IRAK1BP1: variants seen among roughly 807,000 people sequenced by gnomAD.
IRAK1BP1 encodes interleukin-1 receptor-associated kinase 1-binding protein 1.
In IRAK1BP1, 24 loss-of-function variants were observed where a neutral mutation model predicts 28.0. That is an observed-to-expected ratio of 0.86 (90% CI 0.62 to 1.20). The LOEUF (loss-of-function observed/expected upper bound fraction) is 1.20. IRAK1BP1 is among the 50% of genes most tolerant of loss of function. IRAK1BP1 has a pLI of 0.00. For missense variants in IRAK1BP1, 336 were observed against 316.7 expected, an observed-to-expected ratio of 1.06 and a Z score of -0.46; for synonymous variants, 131 against 116.3, an observed-to-expected ratio of 1.13 and a Z score of -0.81.
chr6:78,878,671 G>A (rs980039529), intron 1 of IRAK1BP1, among the ~76,000 whole-genome samples: 6 of 152,216 alleles, frequency 3.9e-5, no homozygotes, highest in African/African-American at 9.7e-5. Context: ...AGAGAAGAAG[G>A]CTTCAGACGA....
At chr6:78,894,693 A>G (rs1771815748) in intron 2 of IRAK1BP1, among the ~76,000 whole-genome samples, 1 of 152,228 alleles carries the variant, frequency 6.6e-6, no homozygotes, top group African/African-American at 2.4e-5. Context: ...AACAGATTTG[A>G]ATCACACTGT....
rs528665459 is a variant in IRAK1BP1 at position 78,898,388 on chromosome 6, T to C, written c.*54T>C. ...ATCTTTTTACCTATTTTTATACTTTTTATAATGTTTACGTTTGTCCTGAAT... is the reference window on the plus strand; with the variant it reads ...ATCTTTTTACCTATTTTTATACTTTCTATAATGTTTACGTTTGTCCTGAAT... On this transcript the variant is annotated 3_prime_UTR_variant, in exon 4 of 4. Transcript: ENST00000369940. 8.0e-5 allele frequency: 62 copies of C among 773,154 alleles called. 1 individual carries two copies. The African/African-American group carries it at 9.9e-4, about 12-fold the overall frequency. 47.9% of individuals were successfully genotyped at this position (773,154 alleles called of 1,614,324 possible). A position where few individuals can be genotyped will look rare whatever the true frequency, so the allele number is the denominator to read the frequency against.
the IRAK1BP1 span, among the ~76,000 whole-genome samples, chr6:78,952,642 G>C: frequency 4.6e-5 from 7 of 151,974 alleles, no homozygotes; most frequent in East Asian, 1.9e-4. Flanking sequence ...AATTTGCTTA[G>C]ATCTTTACAC....
rs149308295 is a variant in IRAK1BP1 at position 78,912,753 on chromosome 6, C to T, written c.*67+9643C>T. ...GAATGAATTTTACCTTATGTAAAAA[C>T]GTGAATAAATCTTTGAAATATTACA... On this transcript the variant is annotated intron_variant and NMD_transcript_variant, in intron 4 of 4. Coordinates refer to the IRAK1BP1 transcript ENST00000606868. 7.2e-3 allele frequency among the ~76,000 whole-genome samples: 1,091 copies of T among 152,072 alleles called. 16 individuals are homozygous for T. Among genetic ancestry groups the T allele is most frequent in the African/African-American group, 0.025 (1,023 of 41,464 alleles).
the IRAK1BP1 span, chr6:78,970,797 T>C: frequency 6.2e-7 from 1 of 1,606,344 alleles, no homozygotes; most frequent in Non-Finnish European, 8.5e-7. Flanking sequence ...CTCCATTTTA[T>C]GCCATGGTTG....
the IRAK1BP1 span, among the ~76,000 whole-genome samples, chr6:78,975,488 A>G: frequency 6.6e-6 from 1 of 151,962 alleles, no homozygotes; most frequent in Admixed American, 6.6e-5. Flanking sequence ...CTCTCTCACC[A>G]CTCCTATTCA....
At chr6:78,869,362 A>G (rs1282913276) in intron 1 of IRAK1BP1, among the ~76,000 whole-genome samples, 1 of 152,146 alleles carries the variant, frequency 6.6e-6, no homozygotes, top group Non-Finnish European at 1.5e-5. Flanking sequence ...TCTAGTAAAA[A>G]TACAAAAATT....
At chr6:78,978,046 C>T in the IRAK1BP1 span, among the ~76,000 whole-genome samples, 7 of 152,014 alleles carry the variant, frequency 4.6e-5, no homozygotes, top group African/African-American at 1.7e-4. Flanking sequence ...ATGTTGAGAC[C>T]AGTTCTTACA....
intron 4 of IRAK1BP1, among the ~76,000 whole-genome samples, chr6:78,923,268 C>T (rs1772792661): frequency 6.6e-6 from 1 of 151,804 alleles, no homozygotes; most frequent in Non-Finnish European, 1.5e-5. Flanking sequence ...GCAGGGGTTT[C>T]AATCCTAGAT....
Position 78,867,806 on chromosome 6 carries a change from C to G in IRAK1BP1, c.230C>G (p.Thr77Ser), listed in dbSNP as rs1169521385. 1.9e-6 allele frequency: 3 copies of G among 1,613,328 alleles called. No individual in the cohort carries two copies. Among genetic ancestry groups the G allele is most frequent in the South Asian group, 2.2e-5 (2 of 91,018 alleles). The change falls in exon 1 of 4, where the codon ACC becomes AGC. Residue 77 changes from threonine to serine, a missense_variant. Physicochemically the swap from Thr to Ser is moderately conservative, Grantham distance 58. Transcript: ENST00000369940. ...RAQVVVRVSS[T>S]KEAAAEAKKS... ...CAGGTGGTGGTGCGAGTGAGCAGCA[C>G]CAAGGAGGCGGCAGCCGAGGCCAAA...
chr6:78,902,098 A>G lies in IRAK1BP1; in HGVS notation c.*3764A>G, dbSNP rs1194314502. On this transcript the variant is annotated 3_prime_UTR_variant, in exon 4 of 4. Coordinates refer to ENST00000369940, the MANE Select transcript of IRAK1BP1 (RefSeq NM_001010844.4). Reference sequence around the variant, plus strand: ...TATAAATTAGTTTAAGCTAACATTTAGACATTTACTATTACATATATGGTA... The same window carrying G: ...TATAAATTAGTTTAAGCTAACATTTGGACATTTACTATTACATATATGGTA... 2 of 152,240 alleles carry G rather than the reference A, an allele frequency of 1.3e-5. No individual in the cohort carries two copies. The highest frequency in any genetic ancestry group is 6.5e-5 in the Admixed American group (1 of 15,288). The allele number at this position is 152,240 out of a possible 1,614,324, so 9.4% of individuals were successfully genotyped here. A position where few individuals can be genotyped will look rare whatever the true frequency, so the allele number is the denominator to read the frequency against.
chr6:78,873,769 C>A (rs1049182693), intron 1 of IRAK1BP1, among the ~76,000 whole-genome samples: 4 of 152,168 alleles, frequency 2.6e-5, no homozygotes, highest in Non-Finnish European at 5.9e-5. Context: ...CCACACCTAG[C>A]CTTATAGAAC....
intron 4 of IRAK1BP1, among the ~76,000 whole-genome samples, chr6:78,922,388 G>T (rs1202987848): frequency 3.3e-5 from 5 of 152,164 alleles, no homozygotes; most frequent in African/African-American, 9.7e-5. Flanking sequence ...AGAGTAAAAA[G>T]AAATGAACAA....
the IRAK1BP1 span, among the ~76,000 whole-genome samples, chr6:78,969,042 T>A: frequency 6.6e-6 from 1 of 152,202 alleles, no homozygotes; most frequent in Non-Finnish European, 1.5e-5. Flanking sequence ...CCTTTCTTGG[T>A]TACTCCCTTA....
In IRAK1BP1 at chr6:78,885,448, G is replaced by A. The variant is rs1771387235; in HGVS notation, c.381+5G>A. 8.6e-7 allele frequency: 1 copy of A among 1,159,824 alleles called. No individual in the cohort carries two copies. Among genetic ancestry groups the A allele is most frequent in the Non-Finnish European group, 1.2e-6 (1 of 858,394 alleles). The allele number at this position is 1,159,824 out of a possible 1,614,324, so 71.8% of individuals were successfully genotyped here. Reference sequence around the variant, plus strand: ...GCTTATCACATGGAAGCAGAGGTATGTACTTAACAAATAATTGGAAGCAGC... The same window carrying A: ...GCTTATCACATGGAAGCAGAGGTATATACTTAACAAATAATTGGAAGCAGC... On this transcript the variant is annotated splice_donor_5th_base_variant and intron_variant, in intron 2 of 3. Coordinates refer to ENST00000369940, the MANE Select transcript of IRAK1BP1 (RefSeq NM_001010844.4).
intron 4 of IRAK1BP1, chr6:78,945,285 CAAGT>C (rs1356593699): frequency 6.4e-7 from 1 of 1,554,974 alleles, no homozygotes; most frequent in Non-Finnish European, 8.9e-7. Context: ...TTGAAAGATA[CAAGT>C]AATACCTTAC....
rs1250909388 is a variant in IRAK1BP1 at position 78,900,408 on chromosome 6, T to C, written c.*2074T>C. 1 of 152,220 alleles carries C rather than the reference T, an allele frequency of 6.6e-6. No individual in the cohort carries two copies. The highest frequency in any genetic ancestry group is 6.5e-5 in the Admixed American group (1 of 15,276). The allele number at this position is 152,220 out of a possible 1,614,324, so 9.4% of individuals were successfully genotyped here. ...AGTACTTTCTTACAACATATTCCAG[T>C]ATATAGTGTCCAGCTTCACCCACTT... On this transcript the variant is annotated 3_prime_UTR_variant, in exon 4 of 4. Coordinates refer to ENST00000369940, the MANE Select transcript of IRAK1BP1 (RefSeq NM_001010844.4).
chr6:78,949,393 C>T (rs1351069248), downstream of IRAK1BP1, among the ~76,000 whole-genome samples: 10 of 152,112 alleles, frequency 6.6e-5, no homozygotes, highest in Admixed American at 5.2e-4. Flanking sequence ...AAGCCACAAT[C>T]AGCTCCTTTT....
intron 4 of IRAK1BP1, among the ~76,000 whole-genome samples, chr6:78,930,978 C>T (rs1459557616): frequency 1.3e-5 from 2 of 150,906 alleles, no homozygotes; most frequent in Non-Finnish European, 3.0e-5. Context: ...AAAAAATTAA[C>T]CAGAAAACCA....
Sources: allele counts gnomAD v4.1 joint callset (sites outside exome capture counted in the v4.1 genomes callset), GRCh38; gene constraint gnomAD v4.1.1; transcripts MANE v1.5; gene names NCBI Gene and HGNC (gene_info 2026-07-23, HGNC 2026-07-21).